The following SLC9B2 variants were observed in gnomAD, a reference collection of about 807,000 sequenced individuals.
SLC9B2 encodes sodium/hydrogen exchanger 9B2.
A neutral mutation model predicts 52.2 loss-of-function variants in SLC9B2; 39 were observed. The observed-to-expected ratio is 0.75, with a 90% confidence interval of 0.58 to 0.98. SLC9B2 has a LOEUF of 0.98. Among genes scored for constraint, SLC9B2 ranks in the 50% least tolerant of loss-of-function variants. SLC9B2 has a pLI of 0.00. For missense variants in SLC9B2, 626 were observed against 637.5 expected, an observed-to-expected ratio of 0.98 and a Z score of 0.19; for synonymous variants, 214 against 227.0, an observed-to-expected ratio of 0.94 and a Z score of 0.51.
intron 1 of SLC9B2, among the ~76,000 whole-genome samples, chr4:103,070,516 C>T (rs1005863615): frequency 6.6e-6 from 1 of 152,262 alleles, no homozygotes; most frequent in African/African-American, 2.4e-5. Flanking sequence ...TCCTAGCTCA[C>T]TGCAACCTCC....
At chr4:103,070,847 A>T (rs1467441623) in intron 1 of SLC9B2, among the ~76,000 whole-genome samples, 3 of 152,228 alleles carry the variant, frequency 2.0e-5, no homozygotes, top group African/African-American at 4.8e-5. Context: ...TGATAGAGGC[A>T]AATTGAGAGC....
Position 103,026,328 on chromosome 4 carries a change from C to T in SLC9B2, c.*42G>A, listed in dbSNP as rs1444595463. ...TCAATATGCATCTTGAAAAAAGTAGCAGCTTTCTAAACATTATGTTCAGCA... is the reference window on the plus strand; with the variant it reads ...TCAATATGCATCTTGAAAAAAGTAGTAGCTTTCTAAACATTATGTTCAGCA... On this transcript the variant is annotated 3_prime_UTR_variant, in exon 12 of 12. Transcript: ENST00000394785. The T allele has an allele frequency of 1.3e-6, 2 of 1,497,622 alleles. No individual in the cohort carries two copies. Among genetic ancestry groups the T allele is most frequent in the East Asian group, 4.6e-5 (2 of 43,846 alleles). 92.8% of individuals were successfully genotyped at this position (1,497,622 alleles called of 1,614,324 possible). A position where few individuals can be genotyped will look rare whatever the true frequency, so the allele number is the denominator to read the frequency against.
At chr4:103,055,222 C>A (rs1323860992) in intron 4 of SLC9B2, among the ~76,000 whole-genome samples, 1 of 124,070 alleles carries the variant, frequency 8.1e-6, no homozygotes, top group Non-Finnish European at 1.6e-5. Context: ...GGGAATATCA[C>A]ACACCGGGGC....
chr4:103,030,963 A>C (rs1180930646), intron 10 of SLC9B2, among the ~76,000 whole-genome samples: 1 of 152,146 alleles, frequency 6.6e-6, no homozygotes, highest in Non-Finnish European at 1.5e-5. Context: ...CGCTTAGCAT[A>C]ATGTTCTCAA....
chr4:103,070,384 C>T (rs1746509040), intron 1 of SLC9B2, among the ~76,000 whole-genome samples: 1 of 152,210 alleles, frequency 6.6e-6, no homozygotes, highest in Non-Finnish European at 1.5e-5. Context: ...ATTCTCCTTA[C>T]TCATAGAGAG....
chr4:103,070,736 C>T (rs942872849), intron 1 of SLC9B2, among the ~76,000 whole-genome samples: 7 of 152,152 alleles, frequency 4.6e-5, no homozygotes, highest in African/African-American at 7.2e-5. Flanking sequence ...CCACCATGCC[C>T]GGCCCTTATT....
chr4:103,049,089 T>C (rs1382806795), intron 5 of SLC9B2, 69 bp from the exon 6 acceptor site: 2 of 1,564,136 alleles, frequency 1.3e-6, no homozygotes, highest in South Asian at 2.4e-5. Flanking sequence ...CCTTGAATGC[T>C]TTCTCTTCAG....
chr4:103,027,421 G>A (rs1299123829), intron 11 of SLC9B2, among the ~76,000 whole-genome samples: 1 of 152,104 alleles, frequency 6.6e-6, no homozygotes, highest in Non-Finnish European at 1.5e-5. Context: ...ACTTGAAGTT[G>A]ATCTTATTAG....
intron 4 of SLC9B2, 116 bp downstream of exon 4, chr4:103,057,685 G>C: frequency 8.9e-7 from 1 of 1,119,414 alleles, no homozygotes; most frequent in Non-Finnish European, 1.3e-6. Flanking sequence ...ACTGGCTTTT[G>C]GCTCCAGCAT....
chr4:103,067,163 A>T lies in SLC9B2; in HGVS notation c.90+298T>A, dbSNP rs916075280. On this transcript the variant is annotated intron_variant, in intron 2 of 11. Coordinates refer to ENST00000394785, the MANE Select transcript of SLC9B2 (RefSeq NM_178833.7). ...GGGCAATAATTGGCACATATACCAAAGTGGTTTAGAAAAAGATAACTATCT... is the reference window on the plus strand; with the variant it reads ...GGGCAATAATTGGCACATATACCAATGTGGTTTAGAAAAAGATAACTATCT... Among the ~76,000 whole-genome samples the T allele has an allele frequency of 2.0e-5, 3 of 152,212 alleles. No individual in the cohort carries two copies. The East Asian group carries it at 5.8e-4, about 29-fold the overall frequency.
intron 9 of SLC9B2, among the ~76,000 whole-genome samples, chr4:103,032,909 C>G (rs1414514059): frequency 2.6e-5 from 4 of 152,156 alleles, no homozygotes; most frequent in Non-Finnish European, 5.9e-5. Context: ...GTGGAGGGTA[C>G]AGGCTTAAGG....
At chr4:103,066,658 A>C (rs1275228178) in intron 2 of SLC9B2, 151 bp from the exon 3 acceptor site, 1 of 668,166 alleles carries the variant, frequency 1.5e-6, no homozygotes, top group Non-Finnish European at 2.4e-6. Flanking sequence ...ATTACTAGCT[A>C]ATCAGCTTGA....
In SLC9B2 at chr4:103,042,870, T is replaced by C. The variant is rs555761152; in HGVS notation, c.1146+426A>G. Among the ~76,000 whole-genome samples, 3 of 152,154 alleles carry C rather than the reference T, an allele frequency of 2.0e-5. No homozygotes were observed. In the East Asian group the frequency reaches 5.8e-4, roughly 29 times the overall value. ...CATTTCTGAAATTAGAATGTTATGT[T>C]ATCGTTTAATTGGCACTATTTTTTT... On this transcript the variant is annotated intron_variant, in intron 9 of 11. Coordinates refer to ENST00000394785, the MANE Select transcript of SLC9B2 (RefSeq NM_178833.7).
In SLC9B2 at chr4:103,049,000, G is replaced by A. The variant is rs376080494; in HGVS notation, c.606C>T (p.Gly202=). The A allele has an allele frequency of 8.1e-6, 13 of 1,613,228 alleles. No homozygotes were observed. The highest frequency in any genetic ancestry group is 5.0e-5 in the Admixed American group (3 of 59,908). The part of the protein sequence containing the change: ...LDSKALKKLK[G]VCVRLSMGPC... ...GACCCATGGACAGTCTTACACAAAC[G>A]CCCTTTAACTTCTTCAGGGCCTGAA... Residue 202 remains glycine (G), a synonymous_variant, in exon 6 of 12, where the codon GGC becomes GGT. Transcript: ENST00000394785.
intron 9 of SLC9B2, among the ~76,000 whole-genome samples, chr4:103,037,707 T>C (rs1743295812): frequency 6.6e-6 from 1 of 152,218 alleles, no homozygotes. Flanking sequence ...CTTTCTCATG[T>C]GTAGAACAAA....
chr4:103,031,330 T>C (rs1005823601), intron 10 of SLC9B2, among the ~76,000 whole-genome samples: 6 of 152,138 alleles, frequency 3.9e-5, no homozygotes, highest in Non-Finnish European at 7.4e-5. Flanking sequence ...GTACAAACTA[T>C]AGAACTAACT....
At chr4:103,029,959 C>CT (rs889436697) in intron 10 of SLC9B2, among the ~76,000 whole-genome samples, 5 of 152,016 alleles carry the variant, frequency 3.3e-5, no homozygotes, top group Non-Finnish European at 5.9e-5. Context: ...TGCCATATGG[C>CT]TTTTTTATGG....
chr4:103,038,866 T>C (rs754149927), intron 9 of SLC9B2, among the ~76,000 whole-genome samples: 1 of 152,116 alleles, frequency 6.6e-6, no homozygotes, highest in Non-Finnish European at 1.5e-5. Context: ...GGTGAGTGCA[T>C]CTGAATACAA....
chr4:103,049,114 C>G, intron 5 of SLC9B2, 94 bp from the exon 6 acceptor site: 1 of 1,412,804 alleles, frequency 7.1e-7, no homozygotes, highest in South Asian at 1.5e-5. Context: ...TGGACCACGT[C>G]TGGGTCATCA....
Sources: gnomAD v4.1 joint callset for allele counts (sites outside exome capture counted in the v4.1 genomes callset) on GRCh38, gnomAD v4.1.1 for gene constraint, MANE v1.5 for transcripts, NCBI Gene and HGNC (gene_info 2026-07-23, HGNC 2026-07-21) for gene names.